The following STXBP5 variants were observed in gnomAD, a reference collection of about 807,000 sequenced individuals.
STXBP5 encodes the protein syntaxin-binding protein 5.
A neutral mutation model predicts 152.4 loss-of-function variants in STXBP5; 50 were observed. The ratio of observed to expected loss-of-function variants is 0.33; its 90% CI spans 0.26 to 0.42. The LOEUF (loss-of-function observed/expected upper bound fraction) is 0.42, where lower values mean the gene tolerates loss of function less well. Ranked by LOEUF, STXBP5 falls within the 10% of genes least tolerant of loss-of-function variation. The pLI is 1.00. For missense variants in STXBP5, 1,167 were observed against 1,388.6 expected (o/e 0.84, Z 2.54); for synonymous variants, 492 against 494.7 (o/e 0.99, Z 0.07).
chr6:147,301,784 G>A (rs1350281114), intron 9 of STXBP5, among the ~76,000 whole-genome samples: 1 of 152,132 alleles, frequency 6.6e-6, no homozygotes, highest in Non-Finnish European at 1.5e-5. Context: ...TAATAAACTA[G>A]TGGATAATTC....
chr6:147,218,542 A>G (rs1009472593), intron 2 of STXBP5, among the ~76,000 whole-genome samples: 1 of 151,926 alleles, frequency 6.6e-6, no homozygotes, highest in Admixed American at 6.6e-5. Context: ...GTGCAGTGGT[A>G]CAAACACAGC....
At chr6:147,215,479 C>G (rs1042954418) in intron 2 of STXBP5, among the ~76,000 whole-genome samples, 4 of 152,120 alleles carry the variant, frequency 2.6e-5, no homozygotes, top group African/African-American at 9.7e-5. Context: ...CTCCCAGGCT[C>G]AAGGGATCCT....
At chr6:147,299,099 A>G (rs978405161) in intron 9 of STXBP5, among the ~76,000 whole-genome samples, 1 of 151,988 alleles carries the variant, frequency 6.6e-6, no homozygotes, top group Admixed American at 6.6e-5. Flanking sequence ...TTTTCTGAAA[A>G]GTTAAAATCA....
intron 9 of STXBP5, among the ~76,000 whole-genome samples, chr6:147,297,996 A>G (rs1781614917): frequency 6.6e-6 from 1 of 152,110 alleles, no homozygotes; most frequent in Non-Finnish European, 1.5e-5. Context: ...TGGCAAGAGT[A>G]AGTTTTACCT....
chr6:147,314,003 G>C lies in STXBP5; in HGVS notation c.1265G>C (p.Arg422Thr). Residue 422 changes from arginine (R) to threonine (T), a missense_variant, in exon 12 of 28, where the codon AGA (arginine) becomes ACA (threonine). By Grantham distance (71) the Arg-to-Thr change is moderately conservative (BLOSUM62 -1). Transcript: ENST00000321680. ...CCTGCACTTTATTCTGTTGGAGCTAGACAGAAACGTCAAGGTTACAGCAAA... is the reference window on the plus strand; with the variant it reads ...CCTGCACTTTATTCTGTTGGAGCTACACAGAAACGTCAAGGTTACAGCAAA... ...LIPALYSVGA[R>T]QKRQGYSKKE... 3 of 1,595,450 alleles carry C rather than the reference G, an allele frequency of 1.9e-6. No homozygotes were observed. Among genetic ancestry groups the C allele is most frequent in the Non-Finnish European group, 2.6e-6 (3 of 1,168,692 alleles).
chr6:147,352,766 C>T (rs1407506821), intron 21 of STXBP5, among the ~76,000 whole-genome samples: 1 of 152,184 alleles, frequency 6.6e-6, no homozygotes, highest in Admixed American at 6.5e-5. Flanking sequence ...AAAAGCCTCA[C>T]CCTTTCCTGT....
intron 21 of STXBP5, among the ~76,000 whole-genome samples, chr6:147,353,027 C>A (rs144325075): frequency 1.3e-5 from 2 of 152,110 alleles, no homozygotes; most frequent in East Asian, 3.9e-4. Context: ...GCCTGTAGTT[C>A]CAGCTACTTG....
chr6:147,315,398 A>T (rs1782591732), intron 14 of STXBP5, 117 bp from the exon 15 acceptor site: 1 of 643,270 alleles, frequency 1.6e-6, no homozygotes, highest in Non-Finnish European at 2.6e-6. Flanking sequence ...TTGAGAAATG[A>T]AAATATGATG....
intron 16 of STXBP5, among the ~76,000 whole-genome samples, chr6:147,324,647 C>T (rs145195229): frequency 5.4e-4 from 82 of 152,038 alleles, no homozygotes; most frequent in African/African-American, 1.7e-3. Context: ...TGGACTGCCG[C>T]TTCTCCTCAG....
intron 9 of STXBP5, among the ~76,000 whole-genome samples, chr6:147,294,841 C>T (rs1781440759): frequency 6.6e-6 from 1 of 152,084 alleles, no homozygotes; most frequent in African/African-American, 2.4e-5. Context: ...AAATTTTATT[C>T]AGTGGTATAT....
chr6:147,334,451 A>G (rs1783730877), intron 19 of STXBP5, among the ~76,000 whole-genome samples: 1 of 152,164 alleles, frequency 6.6e-6, no homozygotes, highest in Non-Finnish European at 1.5e-5. Context: ...GAATCATGTA[A>G]TTGTTTATTT....
At chr6:147,330,496 A>C (rs1284164569) in intron 18 of STXBP5, among the ~76,000 whole-genome samples, 1 of 152,186 alleles carries the variant, frequency 6.6e-6, no homozygotes, top group Non-Finnish European at 1.5e-5. Context: ...TGAATTTAAA[A>C]GGGATCCCCA....
At chr6:147,320,511 A>G (rs976613231) in intron 16 of STXBP5, among the ~76,000 whole-genome samples, 3 of 151,862 alleles carry the variant, frequency 2.0e-5, no homozygotes, top group African/African-American at 2.4e-5. Context: ...CTGACACTCA[A>G]GAAAATACAA....
chr6:147,356,313 T>G (rs574909544), intron 22 of STXBP5, among the ~76,000 whole-genome samples: 17 of 152,030 alleles, frequency 1.1e-4, no homozygotes, highest in South Asian at 4.1e-4. Context: ...ATATCATTGT[T>G]TTCTATTACT....
intron 4 of STXBP5, among the ~76,000 whole-genome samples, chr6:147,248,954 A>G (rs957647653): frequency 2.6e-5 from 4 of 152,274 alleles, no homozygotes; most frequent in South Asian, 2.1e-4. Flanking sequence ...GGAGGGGGCC[A>G]TGTAGGAATA....
At chr6:147,372,407 C>CATTT (rs1785593953) in intron 25 of STXBP5, among the ~76,000 whole-genome samples, 1 of 74,804 alleles carries the variant, frequency 1.3e-5, no homozygotes, top group Non-Finnish European at 2.4e-5. Flanking sequence ...CGTCCTTTTC[C>CATTT]TTTTTTTTTT....
rs918312437 is a variant in STXBP5, at chr6:147,260,767, T to C, written c.566+18T>C. 9 of 1,610,952 alleles carry C rather than the reference T, an allele frequency of 5.6e-6. No individual in the cohort carries two copies. The highest frequency in any genetic ancestry group is 2.7e-5 in the African/African-American group (2 of 74,752). On this transcript the variant is annotated intron_variant, in intron 5 of 27. Coordinates refer to ENST00000321680, the MANE Select transcript of STXBP5 (RefSeq NM_001127715.4). ...ATTGAACTGTGAGTTTGAACAAATA[T>C]TTTGTATCTGAAAGCATCAGTTCTA...
intron 7 of STXBP5, among the ~76,000 whole-genome samples, chr6:147,271,441 A>G (rs1193145164): frequency 6.6e-6 from 1 of 152,172 alleles, no homozygotes; most frequent in Non-Finnish European, 1.5e-5. Flanking sequence ...TTAATTTTAA[A>G]AGGTTAAACT....
At chr6:147,333,468 G>T (rs552793194) in intron 18 of STXBP5, among the ~76,000 whole-genome samples, 1 of 152,316 alleles carries the variant, frequency 6.6e-6, no homozygotes, top group South Asian at 2.1e-4. Flanking sequence ...AGGTTGCGGT[G>T]AGCCAAAATT....
Sources: allele counts gnomAD v4.1 joint callset (sites outside exome capture counted in the v4.1 genomes callset), GRCh38; gene constraint gnomAD v4.1.1; transcripts MANE v1.5; gene names NCBI Gene and HGNC (gene_info 2026-07-23, HGNC 2026-07-21).